SLC18A1: variants seen among roughly 807,000 people sequenced by gnomAD.
SLC18A1 encodes the protein solute carrier family 18 member A1.
In SLC18A1, 69 loss-of-function variants were observed where a neutral mutation model predicts 53.7. The observed-to-expected ratio is 1.28, with a 90% CI of 1.06 to 1.57. The LOEUF (loss-of-function observed/expected upper bound fraction) is 1.57. SLC18A1 is among the 40% of genes most tolerant of loss of function. SLC18A1 has a pLI of 0.00. For missense variants in SLC18A1, 932 were observed against 668.1 expected, an observed-to-expected ratio of 1.40 and a Z score of -4.35; for synonymous variants, 320 against 248.1, an observed-to-expected ratio of 1.29 and a Z score of -2.72.
At chr8:20,158,487 T>C (rs1052695813) in intron 10 of SLC18A1, among the ~76,000 whole-genome samples, 2 of 152,080 alleles carry the variant, frequency 1.3e-5, no homozygotes, top group Non-Finnish European at 2.9e-5. Context: ...AGAAGGACAA[T>C]ATGGAGGAGC....
Position 20,180,867 on chromosome 8 carries a change from A to G in SLC18A1, c.98T>C (p.Leu33Pro), listed in dbSNP as rs745960800. 13 of 1,613,960 alleles carry G rather than the reference A, an allele frequency of 8.1e-6. No individual in the cohort carries two copies. The highest frequency in any genetic ancestry group is 1.0e-5 in the Non-Finnish European group (12 of 1,179,966). ...CACCACAGTAAACAGCATGTTGTCCAGGAGCAAAGCGACGAATACCACCAC... is the reference window on the plus strand; with the variant it reads ...CACCACAGTAAACAGCATGTTGTCCGGGAGCAAAGCGACGAATACCACCAC... Reference protein sequence around the residue: ...VLVVVFVALLLDNMLFTVVVP... With the variant: ...VLVVVFVALLPDNMLFTVVVP... Residue 33 changes from leucine (L) to proline (P), a missense_variant, in exon 2 of 16, where the codon CTG (leucine) becomes CCG (proline). Coordinates refer to ENST00000276373, the MANE Select transcript of SLC18A1 (RefSeq NM_003053.4).
At chr8:20,172,710 T>C (rs2072153881) in intron 6 of SLC18A1, among the ~76,000 whole-genome samples, 1 of 152,146 alleles carries the variant, frequency 6.6e-6, no homozygotes, top group Non-Finnish European at 1.5e-5. Flanking sequence ...AAAGAGATTA[T>C]GCGTGTAACA....
chr8:20,146,220 C>T (rs1246303101), intron 15 of SLC18A1, among the ~76,000 whole-genome samples: 5 of 152,092 alleles, frequency 3.3e-5, no homozygotes, highest in Admixed American at 3.3e-4. Context: ...CGGCCAACCA[C>T]CGCACATCTT....
At chr8:20,161,401 A>G (rs559243875) in intron 10 of SLC18A1, among the ~76,000 whole-genome samples, 1 of 152,352 alleles carries the variant, frequency 6.6e-6, no homozygotes, top group East Asian at 1.9e-4. Flanking sequence ...AAAAAAGAAA[A>G]TAATACAGTA....
intron 5 of SLC18A1, among the ~76,000 whole-genome samples, 188 bp from the exon 6 acceptor site, chr8:20,173,316 T>A (rs773327353): frequency 1.3e-5 from 2 of 152,292 alleles, no homozygotes; most frequent in South Asian, 2.1e-4. Flanking sequence ...AGCCCCCACA[T>A]TGTCCACTCC....
At position 20,174,389 on chromosome 8, in the gene SLC18A1, G is replaced by A. The variant is rs1405522278; in HGVS notation, c.603C>T (p.Gly201=). The change falls in exon 5 of 16, where the codon GGC becomes GGT. Residue 201 remains glycine, a synonymous_variant. Coordinates refer to ENST00000276373, the MANE Select transcript of SLC18A1 (RefSeq NM_003053.4). ...TLLFVARTLQ[G]IGSSFSSVAG... ...CAACAGATGAAAATGAAGATCCAAT[G>A]CCTTGAAGGGTTCGGGCCACAAAGA... 1 of 1,613,942 alleles carries A rather than the reference G, an allele frequency of 6.2e-7. No individual in the cohort carries two copies. Among genetic ancestry groups the A allele is most frequent in the South Asian group, 1.1e-5 (1 of 91,072 alleles).
chr8:20,180,073 C>T (rs1197033732), intron 2 of SLC18A1, among the ~76,000 whole-genome samples: 3 of 151,134 alleles, frequency 2.0e-5, no homozygotes, highest in Admixed American at 6.6e-5. Flanking sequence ...AAAGAAAACA[C>T]GATGTACCAC....
Position 20,165,428 on chromosome 8 carries a change from A to G in SLC18A1, c.859-321T>C, listed in dbSNP as rs2071932733. ...GGATTGGTAGCAAGGTCAGGGTTGG[A>G]CAATAGATGTCTGGACTCCTGGTTT... On this transcript the variant is annotated intron_variant, in intron 8 of 15. Coordinates refer to ENST00000276373, the MANE Select transcript of SLC18A1 (RefSeq NM_003053.4). Among the ~76,000 whole-genome samples, 3 of 152,152 alleles carry G rather than the reference A, an allele frequency of 2.0e-5. No homozygotes were observed. In the South Asian group the frequency reaches 6.2e-4, roughly 32 times the overall value.
At chr8:20,175,807 C>T (rs2072238297) in intron 4 of SLC18A1, 1 of 152,196 alleles carries the variant, frequency 6.6e-6, no homozygotes, top group South Asian at 2.1e-4. Flanking sequence ...TACTTCCCGG[C>T]AGACATGATC....
intron 8 of SLC18A1, among the ~76,000 whole-genome samples, chr8:20,166,867 A>T (rs1355100629): frequency 6.6e-6 from 1 of 152,126 alleles, no homozygotes; most frequent in Non-Finnish European, 1.5e-5. Context: ...AGGAAGGGAC[A>T]TCAGGGCTCT....
At chr8:20,167,736 T>G (rs759242431) in intron 8 of SLC18A1, among the ~76,000 whole-genome samples, 5 of 152,100 alleles carry the variant, frequency 3.3e-5, no homozygotes, top group Non-Finnish European at 5.9e-5. Flanking sequence ...TTCTCCTGCC[T>G]CAGCCTCCTG....
rs17092104 is a variant in SLC18A1 at position 20,148,043 on chromosome 8, G to C, written c.1174C>G (p.Leu392Val). The change falls in exon 13 of 16, where the codon CTC becomes GTC. Residue 392 changes from leucine (L) to valine (V), a missense_variant. Leu to Val is a conservative substitution (Grantham distance 32, BLOSUM62 1). Transcript: ENST00000276373. ...CVPLAHNIFG[L>V]IGPNAGLGLA... ...CCAAGCCCTGCATTGGGGCCAATGA[G>C]ACCAAAAATATTGTGAGCCAGAGGA... is the stretch of plus-strand genomic sequence containing the variant. 143,808 of 1,613,082 alleles carry C rather than the reference G, an allele frequency of 0.089. 7,302 individuals carry two copies. The highest frequency in any genetic ancestry group is 0.1 in the Non-Finnish European group (122,862 of 1,179,064).
chr8:20,180,268 G>A (rs1281877618), intron 2 of SLC18A1, among the ~76,000 whole-genome samples: 1 of 151,974 alleles, frequency 6.6e-6, no homozygotes, highest in Non-Finnish European at 1.5e-5. Flanking sequence ...ACTTGTCTCA[G>A]AAAGATCCTT....
intron 5 of SLC18A1, among the ~76,000 whole-genome samples, chr8:20,173,957 C>A (rs1289373492): frequency 2.0e-5 from 3 of 149,344 alleles, no homozygotes; most frequent in Non-Finnish European, 4.4e-5. Context: ...AGTGCAGAGG[C>A]ACAATCATGG....
intron 5 of SLC18A1, among the ~76,000 whole-genome samples, chr8:20,173,350 C>T (rs752946777): frequency 4.6e-5 from 7 of 152,162 alleles, no homozygotes; most frequent in Non-Finnish European, 7.4e-5. Flanking sequence ...GTTGATAGTG[C>T]AAGCCCTCTG....
intron 12 of SLC18A1, chr8:20,148,547 C>G: frequency 9.1e-7 from 1 of 1,094,032 alleles, no homozygotes; most frequent in South Asian, 1.3e-5. Context: ...AGAAGAGGCC[C>G]CAACAACCAG....
chr8:20,172,905 A>G, intron 6 of SLC18A1, 131 bp downstream of exon 6: 2 of 666,752 alleles, frequency 3.0e-6, no homozygotes, highest in Non-Finnish European at 5.3e-6. Flanking sequence ...TTTCTCAGTG[A>G]TATTTCTAAA....
At chr8:20,150,822 AG>A (rs2128868565) in intron 10 of SLC18A1, 78 bp from the exon 11 acceptor site, 1 of 1,287,910 alleles carries the variant, frequency 7.8e-7, no homozygotes, top group Admixed American at 1.7e-5. Context: ...AAGACACTGA[AG>A]TCCACCCCTG....
intron 10 of SLC18A1, 149 bp from the exon 11 acceptor site, chr8:20,150,893 C>T (rs2071536180): frequency 4.4e-6 from 3 of 677,172 alleles, no homozygotes; most frequent in East Asian, 2.7e-5. Context: ...TGTGCAAACC[C>T]ACAGTAGTTG....
Sources: gnomAD v4.1 joint callset for allele counts (sites outside exome capture counted in the v4.1 genomes callset) on GRCh38, gnomAD v4.1.1 for gene constraint, MANE v1.5 for transcripts, NCBI Gene and HGNC (gene_info 2026-07-23, HGNC 2026-07-21) for gene names.